Variants in SDK1 observed in about 807,000 individuals in gnomAD.
The protein encoded by SDK1 is protein sidekick-1.
In SDK1, 157 loss-of-function variants were observed where a neutral mutation model predicts 245.5. That is an observed-to-expected ratio of 0.64 (90% CI 0.56 to 0.73). The LOEUF is 0.73. SDK1 is among the 30% of genes least tolerant of loss of function. SDK1 has a pLI of 0.00. For missense variants in SDK1, 3,583 were observed against 3,002.3 expected (o/e 1.19, Z -4.52); for synonymous variants, 1,647 against 1,278.5 (o/e 1.29, Z -6.15).
At chr7:3,873,137 A>C (rs530492117) in intron 5 of SDK1, among the ~76,000 whole-genome samples, 1 of 152,308 alleles carries the variant, frequency 6.6e-6, no homozygotes, top group East Asian at 1.9e-4. Flanking sequence ...GTCTACTGGC[A>C]GTAAATTCCA....
chr7:3,710,456 T>G (rs562601302), intron 4 of SDK1, among the ~76,000 whole-genome samples: 1 of 152,388 alleles, frequency 6.6e-6, no homozygotes, highest in African/African-American at 2.4e-5. Context: ...TTGGAATTAT[T>G]AAGGACTAAT....
intron 1 of SDK1, among the ~76,000 whole-genome samples, chr7:3,326,221 TG>T (rs1779937450): frequency 6.6e-6 from 1 of 152,144 alleles, no homozygotes; most frequent in Non-Finnish European, 1.5e-5. Flanking sequence ...ATAACCGTTG[TG>T]AACATTTTGG....
intron 1 of SDK1, among the ~76,000 whole-genome samples, chr7:3,505,893 CT>C (rs1419467494): frequency 1.3e-5 from 2 of 152,140 alleles, no homozygotes; most frequent in Non-Finnish European, 2.9e-5. Flanking sequence ...AAGACTGTTG[CT>C]TTTATTTCTT....
rs557966713 is a variant in SDK1, at chr7:3,935,928, G to T, written c.848-14995G>T. ...AGAGCTGAAAGCAGAGAGTTGAACA[G>T]ATGTTTGTATGCCTGTTTATAGCAG... On this transcript the variant is annotated intron_variant, in intron 5 of 44. Transcript: ENST00000404826. 5.8e-4 allele frequency among the ~76,000 whole-genome samples: 89 copies of T among 152,354 alleles called. 1 individual carries two copies. Among genetic ancestry groups the T allele is most frequent in the African/African-American group, 1.9e-3 (78 of 41,588 alleles).
intron 4 of SDK1, among the ~76,000 whole-genome samples, chr7:3,757,018 G>A (rs1472507992): frequency 1.3e-5 from 2 of 151,948 alleles, no homozygotes; most frequent in African/African-American, 2.4e-5. Context: ...TTTCTCACCA[G>A]CTGAATATGT....
In SDK1 at chr7:3,793,014, A is replaced by T. The variant is rs115828936; in HGVS notation, c.714-28436A>T. Among the ~76,000 whole-genome samples the T allele has an allele frequency of 1.1e-3, 173 of 152,318 alleles. 1 individual carries two copies. The highest frequency in any genetic ancestry group is 4.0e-3 in the African/African-American group (168 of 41,576). On this transcript the variant is annotated intron_variant, in intron 4 of 44. Transcript: ENST00000404826. ...AGGAAAAGATTCATTTCACAATGAT[A>T]CTGAGAATTGTGTAGGAGCTAATGG...
chr7:3,937,639 G>T (rs996093503), intron 5 of SDK1, among the ~76,000 whole-genome samples: 1 of 152,128 alleles, frequency 6.6e-6, no homozygotes, highest in Non-Finnish European at 1.5e-5. Flanking sequence ...TGTGTCTCTC[G>T]TTTCAACTTT....
intron 1 of SDK1, among the ~76,000 whole-genome samples, chr7:3,551,403 G>T (rs769717962): frequency 3.9e-5 from 6 of 152,092 alleles, no homozygotes; most frequent in Non-Finnish European, 5.9e-5. Context: ...TCCAACTGGG[G>T]AATCAGCAGC....
intron 1 of SDK1, among the ~76,000 whole-genome samples, chr7:3,552,223 G>C (rs1341062161): frequency 6.6e-6 from 1 of 152,102 alleles, no homozygotes; most frequent in Non-Finnish European, 1.5e-5. Context: ...ATTTTTAGTA[G>C]AGACGGGGTT....
chr7:3,797,112 T>C (rs949580758), intron 4 of SDK1, among the ~76,000 whole-genome samples: 24 of 151,930 alleles, frequency 1.6e-4, no homozygotes, highest in Non-Finnish European at 3.2e-4. Flanking sequence ...CCTCAAGTGA[T>C]CCTACTGCCT....
intron 2 of SDK1, among the ~76,000 whole-genome samples, chr7:3,624,469 G>C (rs1208921354): frequency 6.6e-6 from 1 of 152,056 alleles, no homozygotes; most frequent in African/African-American, 2.4e-5. Flanking sequence ...AAAGTACTGG[G>C]ATTACAGGTG....
chr7:3,899,682 C>T (rs1362754729), intron 5 of SDK1, among the ~76,000 whole-genome samples: 6 of 152,244 alleles, frequency 3.9e-5, no homozygotes, highest in Admixed American at 1.3e-4. Flanking sequence ...ACGCCTGCCA[C>T]GCAGCCCCGT....
At chr7:3,397,385 TTCTC>T (rs1461245370) in intron 1 of SDK1, among the ~76,000 whole-genome samples, 2 of 151,960 alleles carry the variant, frequency 1.3e-5, no homozygotes, top group African/African-American at 4.8e-5. Flanking sequence ...TGGTGACAAA[TTCTC>T]TCATTTTTTC....
chr7:3,988,540 C>T lies in SDK1; in HGVS notation c.2131+1218C>T, dbSNP rs781611224. On this transcript the variant is annotated intron_variant, in intron 14 of 44. Transcript: ENST00000404826. ...GCCAAATGCCTCGCTCCCTGTGCAGCCTCGGGTCACCCTGGGCTACTGTGC... is the reference window on the plus strand; with the variant it reads ...GCCAAATGCCTCGCTCCCTGTGCAGTCTCGGGTCACCCTGGGCTACTGTGC... Among the ~76,000 whole-genome samples, 31 of 152,150 alleles carry T rather than the reference C, an allele frequency of 2.0e-4. 1 individual carries two copies. Among genetic ancestry groups the T allele is most frequent in the Non-Finnish European group, 1.2e-4 (8 of 68,022 alleles).
intron 1 of SDK1, among the ~76,000 whole-genome samples, chr7:3,587,524 A>T (rs182332945): frequency 3.3e-5 from 5 of 152,264 alleles, no homozygotes; most frequent in Middle Eastern, 3.4e-3. Context: ...ACAGGAGAAG[A>T]TTGATGTCCC....
intron 1 of SDK1, among the ~76,000 whole-genome samples, chr7:3,538,397 A>C (rs1778956390): frequency 6.6e-6 from 1 of 151,882 alleles, no homozygotes; most frequent in African/African-American, 2.4e-5. Flanking sequence ...TTCAGGTATA[A>C]ATTTCTTTTC....
At chr7:3,407,180 C>G (rs931926827) in intron 1 of SDK1, among the ~76,000 whole-genome samples, 1 of 152,202 alleles carries the variant, frequency 6.6e-6, no homozygotes. Flanking sequence ...GCTCCTCTTT[C>G]CTGCTTCGTT....
chr7:3,570,521 A>C (rs1049461391), intron 1 of SDK1, among the ~76,000 whole-genome samples: 2 of 151,764 alleles, frequency 1.3e-5, no homozygotes, highest in African/African-American at 4.8e-5. Flanking sequence ...CTTTCCCCCA[A>C]CTCTTCTCTG....
At chr7:4,214,708 C>T (rs1784691210) in intron 38 of SDK1, among the ~76,000 whole-genome samples, 1 of 152,208 alleles carries the variant, frequency 6.6e-6, no homozygotes, top group Non-Finnish European at 1.5e-5. Context: ...TCCTGCACAT[C>T]AGTCAAGCAG....
Sources: gnomAD v4.1 joint callset for allele counts (sites outside exome capture counted in the v4.1 genomes callset) on GRCh38, gnomAD v4.1.1 for gene constraint, MANE v1.5 for transcripts, NCBI Gene and HGNC (gene_info 2026-07-23, HGNC 2026-07-21) for gene names.